TRAPPC8: variants seen among roughly 807,000 people sequenced by gnomAD.
The protein encoded by TRAPPC8 is trafficking protein particle complex subunit 8, also known as general sporulation gene 1 homolog.
A neutral mutation model predicts 174.3 loss-of-function variants in TRAPPC8; 54 were observed. The ratio of observed to expected loss-of-function variants is 0.31; its 90% CI spans 0.25 to 0.39. The LOEUF (loss-of-function observed/expected upper bound fraction) is 0.39, where lower values mean the gene tolerates loss of function less well. Ranked by LOEUF, TRAPPC8 falls within the 10% of genes least tolerant of loss-of-function variation. TRAPPC8 has a pLI of 1.00. For missense variants in TRAPPC8, 1,531 were observed against 1,699.1 expected, an observed-to-expected ratio of 0.90 and a Z score of 1.74; for synonymous variants, 630 against 579.9, an observed-to-expected ratio of 1.09 and a Z score of -1.24.
intron 2 of TRAPPC8, among the ~76,000 whole-genome samples, chr18:31,924,480 G>A (rs1169561256): frequency 6.8e-5 from 10 of 146,688 alleles, no homozygotes; most frequent in African/African-American, 2.5e-4. Flanking sequence ...AAAAAAAATG[G>A]CCAGGAGTGG....
At chr18:31,848,353 A>G (rs1204841517) in intron 25 of TRAPPC8, among the ~76,000 whole-genome samples, 7 of 152,224 alleles carry the variant, frequency 4.6e-5, no homozygotes, top group Non-Finnish European at 1.5e-5. Flanking sequence ...CAATGAGTAC[A>G]GAATACATTA....
At chr18:31,859,441 T>C (rs2034208968) in intron 19 of TRAPPC8, among the ~76,000 whole-genome samples, 3 of 152,224 alleles carry the variant, frequency 2.0e-5, no homozygotes, top group African/African-American at 7.2e-5. Context: ...ACTGACTCTC[T>C]GTACTGATTA....
intron 2 of TRAPPC8, among the ~76,000 whole-genome samples, chr18:31,924,747 A>AG (rs1467059416): frequency 1.3e-5 from 2 of 150,772 alleles, no homozygotes; most frequent in African/African-American, 4.9e-5. Context: ...TCAAAAAAAA[A>AG]AAAAAAAAAA....
intron 1 of TRAPPC8, among the ~76,000 whole-genome samples, chr18:31,941,846 A>G (rs1215857472): frequency 6.6e-6 from 1 of 152,176 alleles, no homozygotes; most frequent in African/African-American, 2.4e-5. Context: ...GCTTTACCAC[A>G]TTATTTTCTC....
Position 31,867,416 on chromosome 18 carries a change from C to A in TRAPPC8, c.2449G>T (p.Glu817Ter). The A allele has an allele frequency of 6.2e-7, 1 of 1,607,390 alleles. No individual in the cohort carries two copies. The highest frequency in any genetic ancestry group is 8.5e-7 in the Non-Finnish European group (1 of 1,174,848). ...EVISEFLING[E>*]ESKVARLKLF... ...AAAATAATTACCACTTTTGATTCTT[C>A]GCCATTAATTAAGAACTCTGAAATA... The change falls in exon 17 of 29, where the codon GAA (glutamate) becomes TAA (stop). Residue 817 changes from glutamate (E) to a stop codon, truncating the protein, a stop_gained. Coordinates refer to ENST00000283351, the MANE Select transcript of TRAPPC8 (RefSeq NM_014939.5). LOFTEE classifies it high-confidence loss of function.
intron 10 of TRAPPC8, among the ~76,000 whole-genome samples, chr18:31,898,736 C>T (rs1054621394): frequency 2.0e-5 from 3 of 152,122 alleles, no homozygotes; most frequent in African/African-American, 7.2e-5. Context: ...TTGTGGACTA[C>T]TACATCAGTA....
At chr18:31,885,002 C>T (rs1455707116) in intron 12 of TRAPPC8, among the ~76,000 whole-genome samples, 3 of 151,760 alleles carry the variant, frequency 2.0e-5, no homozygotes, top group Non-Finnish European at 2.9e-5. Context: ...TATAGGCACC[C>T]GCCACCACGC....
At chr18:31,880,121 A>ATATAT (rs1239258266) in intron 12 of TRAPPC8, among the ~76,000 whole-genome samples, 39 of 69,044 alleles carry the variant, frequency 5.6e-4, no homozygotes, top group African/African-American at 1.8e-3. Flanking sequence ...ATATATATAT[A>ATATAT]TTTTTTTTTT....
chr18:31,838,663 T>C (rs1039013120), intron 27 of TRAPPC8, among the ~76,000 whole-genome samples: 2 of 152,224 alleles, frequency 1.3e-5, no homozygotes, highest in South Asian at 4.1e-4. Context: ...ATCTCCTTAT[T>C]GTCAGATCCA....
intron 2 of TRAPPC8, among the ~76,000 whole-genome samples, chr18:31,924,271 G>A (rs1260934186): frequency 6.7e-6 from 1 of 149,690 alleles, no homozygotes; most frequent in East Asian, 2.0e-4. Flanking sequence ...GGCAACAAGA[G>A]CAAGAATCCG....
intron 1 of TRAPPC8, among the ~76,000 whole-genome samples, chr18:31,934,792 G>A (rs536056061): frequency 2.7e-5 from 4 of 150,824 alleles, no homozygotes; most frequent in South Asian, 4.2e-4. Flanking sequence ...GCTTGAACCC[G>A]GGAGGCAGAG....
At chr18:31,902,417 T>C (rs2036472409) in intron 9 of TRAPPC8, among the ~76,000 whole-genome samples, 1 of 152,230 alleles carries the variant, frequency 6.6e-6, no homozygotes, top group African/African-American at 2.4e-5. Flanking sequence ...CAAGAGGTTA[T>C]TTCTGTTAAG....
At chr18:31,893,248 C>T (rs1243990449) in intron 11 of TRAPPC8, among the ~76,000 whole-genome samples, 2 of 152,016 alleles carry the variant, frequency 1.3e-5, no homozygotes, top group Non-Finnish European at 2.9e-5. Flanking sequence ...CCAGTTTTGA[C>T]ATGAAAGAGT....
intron 18 of TRAPPC8, among the ~76,000 whole-genome samples, chr18:31,865,793 TTTTAAATTATAAATAA>T (rs1299413007): frequency 1.3e-5 from 2 of 151,196 alleles, no homozygotes; most frequent in African/African-American, 4.8e-5. Context: ...AAATTAGCAT[TTTTAAATTATAAATAA>T]TTTAAATTAT....
rs1239952018 is a variant in TRAPPC8 at position 31,880,115 on chromosome 18, ATATATATTTT to A, written c.1729-5421_1729-5412del. Among the ~76,000 whole-genome samples the A allele has an allele frequency of 1.0e-3, 93 of 92,672 alleles. 2 individuals are homozygous for A. Among genetic ancestry groups the A allele is most frequent in the Middle Eastern group, 6.4e-3 (1 of 156 alleles). The allele number at this position is 92,672 out of a possible 152,430, so 60.8% of individuals were successfully genotyped here. A position where few individuals can be genotyped will look rare whatever the true frequency, so the allele number is the denominator to read the frequency against. ...AATATATATATATATATATATATAT[ATATATATTTT>A]TTTTTTTTTAAGGAAGAAAGATTCC... On this transcript the variant is annotated intron_variant, in intron 12 of 28. Coordinates refer to ENST00000283351, the MANE Select transcript of TRAPPC8 (RefSeq NM_014939.5).
chr18:31,873,352 G>A (rs763872190), intron 14 of TRAPPC8, 78 bp downstream of exon 14: 15 of 1,214,686 alleles, frequency 1.2e-5, no homozygotes, highest in Middle Eastern at 1.9e-4. Flanking sequence ...ACTATACATC[G>A]TTTTTTAAAT....
intron 10 of TRAPPC8, among the ~76,000 whole-genome samples, chr18:31,899,218 T>C (rs2036306054): frequency 6.6e-6 from 1 of 152,194 alleles, no homozygotes; most frequent in Non-Finnish European, 1.5e-5. Context: ...TAACACTTAT[T>C]TTACTTATTT....
chr18:31,879,981 A>T (rs966173211), intron 12 of TRAPPC8, among the ~76,000 whole-genome samples: 2 of 128,404 alleles, frequency 1.6e-5, no homozygotes, highest in Non-Finnish European at 3.3e-5. Flanking sequence ...TAAAAAAAAA[A>T]ATAAATAAAC....
At chr18:31,857,036 T>A (rs966971909) in intron 20 of TRAPPC8, among the ~76,000 whole-genome samples, 1 of 152,184 alleles carries the variant, frequency 6.6e-6, no homozygotes, top group African/African-American at 2.4e-5. Context: ...ATGAGCCAGT[T>A]AGCTTTGATT....
Sources: allele counts gnomAD v4.1 joint callset (sites outside exome capture counted in the v4.1 genomes callset), GRCh38; gene constraint gnomAD v4.1.1; transcripts MANE v1.5; gene names NCBI Gene and HGNC (gene_info 2026-07-23, HGNC 2026-07-21).